Variants in MTUS2 observed in about 807,000 individuals in gnomAD.
MTUS2 encodes the protein microtubule associated scaffold protein 2.
A neutral mutation model predicts 114.1 loss-of-function variants in MTUS2; 40 were observed. That is an observed-to-expected ratio of 0.35 (90% CI 0.27 to 0.46). MTUS2 has a LOEUF of 0.46. Among genes scored for constraint, MTUS2 ranks in the 20% least tolerant of loss-of-function variants. The pLI is 1.00. For synonymous variants in MTUS2, 688 were observed against 672.0 expected (o/e 1.02, Z -0.37); for missense variants, 1,679 against 1,705.4 (o/e 0.98, Z 0.27).
intron 5 of MTUS2, among the ~76,000 whole-genome samples, chr13:29,177,395 A>C (rs1479173608): frequency 6.6e-6 from 1 of 150,746 alleles, no homozygotes; most frequent in Non-Finnish European, 1.5e-5. Context: ...AATAATAATT[A>C]TTTAAAGAAA....
chr13:29,049,293 G>C (rs1887779187), intron 4 of MTUS2, among the ~76,000 whole-genome samples: 1 of 152,166 alleles, frequency 6.6e-6, no homozygotes, highest in Admixed American at 6.5e-5. Context: ...TAAGGCATTG[G>C]GGACCATGCT....
intron 8 of MTUS2, among the ~76,000 whole-genome samples, chr13:29,379,648 C>T (rs780011065): frequency 5.9e-5 from 9 of 152,048 alleles, no homozygotes; most frequent in Non-Finnish European, 1.2e-4. Flanking sequence ...CTGTTCTTAC[C>T]GTCATCATAC....
chr13:29,039,427 G>T (rs1887243812), intron 4 of MTUS2, among the ~76,000 whole-genome samples: 1 of 152,224 alleles, frequency 6.6e-6, no homozygotes, highest in Non-Finnish European at 1.5e-5. Context: ...TCCCGCAAGG[G>T]CTAGGCCGGC....
At chr13:28,840,440 C>T (rs1412837616) in intron 2 of MTUS2, among the ~76,000 whole-genome samples, 1 of 152,208 alleles carries the variant, frequency 6.6e-6, no homozygotes. Flanking sequence ...TAGACAAAGG[C>T]ACCCCTCTGT....
intron 8 of MTUS2, among the ~76,000 whole-genome samples, chr13:29,362,000 C>T (rs189104932): frequency 2.0e-5 from 3 of 152,322 alleles, no homozygotes; most frequent in Admixed American, 1.3e-4. Flanking sequence ...TGCCTCTGTG[C>T]ACTTCGTCAT....
At position 29,021,355 on chromosome 13, in the gene MTUS2, A is replaced by T. The variant is rs558312371; in HGVS notation, c.-242-3102A>T. 1.6e-4 allele frequency among the ~76,000 whole-genome samples: 25 copies of T among 152,352 alleles called. No homozygotes were observed. The South Asian group carries it at 5.2e-3, about 32-fold the overall frequency. On this transcript the variant is annotated intron_variant, in intron 2 of 15. Transcript: ENST00000612955. The stretch of plus-strand genomic sequence containing the variant: ...TCTTTCTGTCCCCTTACCAGTGAGT[A>T]CCAGTTGTTTACTGACAAAGATAAA...
At chr13:28,964,888 G>A (rs955712701) in intron 2 of MTUS2, among the ~76,000 whole-genome samples, 2 of 151,380 alleles carry the variant, frequency 1.3e-5, no homozygotes, top group Non-Finnish European at 2.9e-5. Flanking sequence ...TGCTCATCTT[G>A]GCAGGGTCTC....
chr13:29,342,627 T>G (rs1020341190), intron 7 of MTUS2, among the ~76,000 whole-genome samples: 1 of 152,130 alleles, frequency 6.6e-6, no homozygotes, highest in African/African-American at 2.4e-5. Flanking sequence ...GACTTTCTCT[T>G]TACTGATTTG....
At chr13:29,040,896 C>T (rs1334760180) in intron 4 of MTUS2, among the ~76,000 whole-genome samples, 1 of 152,126 alleles carries the variant, frequency 6.6e-6, no homozygotes, top group Non-Finnish European at 1.5e-5. Context: ...TTTTCTCCCA[C>T]TCTGTGGGTT....
intron 4 of MTUS2, among the ~76,000 whole-genome samples, chr13:29,069,684 C>A (rs1888822527): frequency 6.6e-6 from 1 of 152,172 alleles, no homozygotes; most frequent in Non-Finnish European, 1.5e-5. Flanking sequence ...GAAGAAAAAG[C>A]AAGGAAAAGC....
chr13:28,969,306 G>A (rs1225627284), intron 2 of MTUS2, among the ~76,000 whole-genome samples: 1 of 151,942 alleles, frequency 6.6e-6, no homozygotes, highest in Non-Finnish European at 1.5e-5. Context: ...TATATTCATG[G>A]GATATACAGT....
At chr13:28,893,793 A>G (rs1228029686) in intron 2 of MTUS2, among the ~76,000 whole-genome samples, 1 of 152,200 alleles carries the variant, frequency 6.6e-6, no homozygotes, top group East Asian at 1.9e-4. Flanking sequence ...TGAATAGAAC[A>G]TGATTATAAT....
Position 29,139,288 on chromosome 13 carries a change from G to T in MTUS2, c.2644+38318G>T, listed in dbSNP as rs186205332. Among the ~76,000 whole-genome samples the T allele has an allele frequency of 1.0e-3, 158 of 152,222 alleles. 1 individual carries two copies. The highest frequency in any genetic ancestry group is 3.4e-3 in the African/African-American group (143 of 41,560). ...TTGTATTTTTTCTTTCTTGGATTTT[G>T]CACTGGGATAATGCTCAGAAAGCTC... On this transcript the variant is annotated intron_variant, in intron 5 of 15. Transcript: ENST00000612955.
At chr13:29,464,362 T>C (rs1702184710) in intron 9 of MTUS2, among the ~76,000 whole-genome samples, 1 of 152,074 alleles carries the variant, frequency 6.6e-6, no homozygotes, top group South Asian at 2.1e-4. Flanking sequence ...AGGCCAGGAG[T>C]TGGGGCTTAA....
chr13:29,426,900 G>A (rs4463939), intron 8 of MTUS2, among the ~76,000 whole-genome samples: 1 of 152,046 alleles, frequency 6.6e-6, no homozygotes, highest in Non-Finnish European at 1.5e-5. Flanking sequence ...TGCTATGAGC[G>A]TGGGGGTATA....
chr13:29,078,629 A>T (rs989904587), intron 4 of MTUS2, among the ~76,000 whole-genome samples: 3 of 152,208 alleles, frequency 2.0e-5, no homozygotes, highest in Non-Finnish European at 4.4e-5. Flanking sequence ...TCTTGTATCC[A>T]TTAGCAGCCA....
At chr13:29,086,011 G>T (rs1889676732) in intron 4 of MTUS2, among the ~76,000 whole-genome samples, 1 of 152,092 alleles carries the variant, frequency 6.6e-6, no homozygotes, top group South Asian at 2.1e-4. Context: ...TTGAGGTTTT[G>T]ATTTGCATTT....
chr13:29,231,822 T>A (rs971232074), intron 5 of MTUS2, among the ~76,000 whole-genome samples: 1 of 152,226 alleles, frequency 6.6e-6, no homozygotes, highest in Admixed American at 6.5e-5. Flanking sequence ...CATCGTATGC[T>A]GTATTCCTTC....
chr13:28,847,504 T>G (rs1485714038), intron 2 of MTUS2, among the ~76,000 whole-genome samples: 1 of 152,002 alleles, frequency 6.6e-6, no homozygotes, highest in Non-Finnish European at 1.5e-5. Context: ...GAGGATAACT[T>G]ATTGTGATTT....
Sources: allele counts gnomAD v4.1 joint callset (sites outside exome capture counted in the v4.1 genomes callset), GRCh38; gene constraint gnomAD v4.1.1; transcripts MANE v1.5; gene names NCBI Gene and HGNC (gene_info 2026-07-23, HGNC 2026-07-21).